GRIK2: variants seen among roughly 807,000 people sequenced by gnomAD.
GRIK2 encodes glutamate ionotropic receptor kainate type subunit 2, also known as glutamate receptor ionotropic, kainate 2.
GRIK2 carries 32 observed loss-of-function variants against 100.3 expected under a neutral mutation model. That is an observed-to-expected ratio of 0.32 (90% CI 0.24 to 0.43). The LOEUF (loss-of-function observed/expected upper bound fraction) is 0.43. Among genes scored for constraint, GRIK2 ranks in the 20% least tolerant of loss-of-function variants. The probability of loss-of-function intolerance (pLI) is 1.00; values close to 1 mark genes in which losing one functional copy is unlikely to be tolerated. For missense variants in GRIK2, 843 were observed against 1,114.9 expected (o/e 0.76, Z 3.47); for synonymous variants, 417 against 389.4 (o/e 1.07, Z -0.83).
intron 4 of GRIK2, among the ~76,000 whole-genome samples, chr6:101,637,276 T>C (rs931546117): frequency 2.4e-4 from 37 of 152,126 alleles, no homozygotes; most frequent in African/African-American, 8.0e-4. Flanking sequence ...ACCTCCATAT[T>C]CACAGTTCCA....
chr6:101,824,814 A>G (rs1192261113), intron 10 of GRIK2, among the ~76,000 whole-genome samples: 2 of 152,170 alleles, frequency 1.3e-5, no homozygotes, highest in African/African-American at 2.4e-5. Context: ...TTACTTGCTT[A>G]AGCTTGTAAA....
chr6:101,576,104 TA>T (rs1247991570), intron 2 of GRIK2, among the ~76,000 whole-genome samples: 2 of 152,086 alleles, frequency 1.3e-5, no homozygotes, highest in Non-Finnish European at 2.9e-5. Flanking sequence ...TAGGATATTA[TA>T]TCACATTAAA....
At chr6:102,023,183 A>G (rs1225387533) in intron 14 of GRIK2, among the ~76,000 whole-genome samples, 1 of 151,590 alleles carries the variant, frequency 6.6e-6, no homozygotes, top group African/African-American at 2.4e-5. Flanking sequence ...ATTAGAAAAT[A>G]AGGGAATGAA....
chr6:101,958,452 A>C (rs1188053600), intron 14 of GRIK2, among the ~76,000 whole-genome samples: 1 of 152,018 alleles, frequency 6.6e-6, no homozygotes, highest in Non-Finnish European at 1.5e-5. Flanking sequence ...TTCCAGTTGT[A>C]AGATTTTATC....
chr6:101,614,716 AAATC>A (rs1779819673), intron 2 of GRIK2, among the ~76,000 whole-genome samples: 1 of 151,776 alleles, frequency 6.6e-6, no homozygotes, highest in Non-Finnish European at 1.5e-5. Context: ...TTGATGGAGA[AAATC>A]AACATATCTT....
At chr6:101,869,263 A>C (rs2128447482) in intron 11 of GRIK2, among the ~76,000 whole-genome samples, 1 of 152,068 alleles carries the variant, frequency 6.6e-6, no homozygotes, top group South Asian at 2.1e-4. Context: ...CGGAGGGAGA[A>C]TTAACATAAA....
At chr6:101,917,433 A>G (rs964531803) in intron 12 of GRIK2, among the ~76,000 whole-genome samples, 1 of 151,784 alleles carries the variant, frequency 6.6e-6, no homozygotes, top group African/African-American at 2.4e-5. Flanking sequence ...GCTGAAGTGT[A>G]GGATGATTTT....
chr6:101,537,144 C>T (rs1334107592), intron 2 of GRIK2, among the ~76,000 whole-genome samples: 2 of 151,644 alleles, frequency 1.3e-5, no homozygotes, highest in Non-Finnish European at 3.0e-5. Flanking sequence ...TATTTATTCC[C>T]GTGGAGGACT....
At chr6:101,482,479 G>A (rs1772583060) in intron 2 of GRIK2, among the ~76,000 whole-genome samples, 1 of 152,034 alleles carries the variant, frequency 6.6e-6, no homozygotes, top group Non-Finnish European at 1.5e-5. Flanking sequence ...ATACGTTCTT[G>A]TGGGTGAGAC....
intron 12 of GRIK2, among the ~76,000 whole-genome samples, chr6:101,922,667 A>AT (rs1368643378): frequency 1.3e-5 from 2 of 151,938 alleles, no homozygotes; most frequent in African/African-American, 2.4e-5. Flanking sequence ...AGGTCTTCCT[A>AT]TTTTTCTCAT....
At chr6:101,725,194 G>C (rs1774775724) in intron 7 of GRIK2, among the ~76,000 whole-genome samples, 1 of 151,996 alleles carries the variant, frequency 6.6e-6, no homozygotes, top group South Asian at 2.1e-4. Flanking sequence ...AACTTTTGCA[G>C]CTATTGATTT....
intron 14 of GRIK2, among the ~76,000 whole-genome samples, chr6:101,962,250 A>T (rs1357134386): frequency 6.6e-6 from 1 of 151,964 alleles, no homozygotes; most frequent in African/African-American, 2.4e-5. Context: ...TTCCCTCGGT[A>T]TTCCACTCAG....
intron 12 of GRIK2, among the ~76,000 whole-genome samples, chr6:101,891,376 G>A (rs991610886): frequency 1.3e-5 from 2 of 151,586 alleles, no homozygotes; most frequent in South Asian, 2.1e-4. Flanking sequence ...AATTAACTGG[G>A]CGTGGTGGTG....
chr6:101,816,040 T>C (rs1781610389), intron 9 of GRIK2, among the ~76,000 whole-genome samples: 1 of 152,142 alleles, frequency 6.6e-6, no homozygotes, highest in African/African-American at 2.4e-5. Context: ...AGTGAACATT[T>C]AGCTAAATTA....
chr6:101,555,451 G>A (rs1180200180), intron 2 of GRIK2, among the ~76,000 whole-genome samples: 1 of 152,098 alleles, frequency 6.6e-6, no homozygotes, highest in Admixed American at 6.5e-5. Flanking sequence ...TGTCAAGTTT[G>A]ACATATTTGC....
chr6:101,552,825 C>T (rs1348458400), intron 2 of GRIK2, among the ~76,000 whole-genome samples: 1 of 152,134 alleles, frequency 6.6e-6, no homozygotes, highest in Non-Finnish European at 1.5e-5. Context: ...CCACCTGAGG[C>T]ATCCTTTTAC....
chr6:101,797,139 C>T, intron 7 of GRIK2, among the ~76,000 whole-genome samples: 1 of 151,442 alleles, frequency 6.6e-6, no homozygotes, highest in African/African-American at 2.4e-5. Flanking sequence ...AGATTGTATT[C>T]TTTTAGTTAT....
chr6:101,480,571 G>C (rs906944258), intron 2 of GRIK2, among the ~76,000 whole-genome samples: 1 of 152,026 alleles, frequency 6.6e-6, no homozygotes, highest in African/African-American at 2.4e-5. Context: ...GCTTTCTATA[G>C]GTTGGTAAGG....
At chr6:101,548,843 A>T (rs2749075) in intron 2 of GRIK2, among the ~76,000 whole-genome samples, 94,814 of 151,998 alleles carry the variant, frequency 0.62, 29,974 homozygotes, top group Middle Eastern at 0.69. Context: ...ATCCTCAGTT[A>T]TAGGTATGGA....
Sources: allele counts gnomAD v4.1 joint callset (sites outside exome capture counted in the v4.1 genomes callset), GRCh38; gene constraint gnomAD v4.1.1; transcripts MANE v1.5; gene names NCBI Gene and HGNC (gene_info 2026-07-23, HGNC 2026-07-21).